The following CDH8 variants were observed in gnomAD, a reference collection of about 807,000 sequenced individuals.
The protein encoded by CDH8 is cadherin-8.
A neutral mutation model predicts 68.1 loss-of-function variants in CDH8; 17 were observed. The observed-to-expected ratio is 0.25, with a 90% CI of 0.17 to 0.37. The LOEUF is 0.37. CDH8 is among the 10% of genes least tolerant of loss of function. CDH8 has a pLI of 1.00. For missense variants in CDH8, 763 were observed against 999.3 expected (o/e 0.76, Z 3.19); for synonymous variants, 372 against 365.1 (o/e 1.02, Z -0.21).
chr16:61,714,547 G>C (rs944101175), intron 9 of CDH8, among the ~76,000 whole-genome samples: 3 of 151,590 alleles, frequency 2.0e-5, no homozygotes, highest in African/African-American at 4.8e-5. Flanking sequence ...ATCCTGAGAT[G>C]AATAAATTAT....
chr16:61,954,706 A>C (rs1244129643), intron 2 of CDH8, among the ~76,000 whole-genome samples: 1 of 151,540 alleles, frequency 6.6e-6, no homozygotes, highest in Non-Finnish European at 1.5e-5. Context: ...ATCTCAAAAA[A>C]AAAAAAAAAA....
chr16:61,789,633 C>A, intron 7 of CDH8, 151 bp from the exon 8 acceptor site: 5 of 675,218 alleles, frequency 7.4e-6, no homozygotes, highest in Non-Finnish European at 1.2e-5. Flanking sequence ...ACAAAAATGA[C>A]TGAATGAGGC....
chr16:61,862,466 A>T (rs1455928123), intron 3 of CDH8, among the ~76,000 whole-genome samples: 1 of 152,090 alleles, frequency 6.6e-6, no homozygotes, highest in Non-Finnish European at 1.5e-5. Flanking sequence ...TTACCCATGT[A>T]CTCATCCAGA....
intron 9 of CDH8, among the ~76,000 whole-genome samples, chr16:61,715,077 T>C (rs1360610024): frequency 2.0e-5 from 3 of 151,652 alleles, no homozygotes; most frequent in Non-Finnish European, 4.4e-5. Flanking sequence ...TGATAGGCAA[T>C]TCATTCAATT....
chr16:61,910,804 C>T (rs1364864071), intron 2 of CDH8, among the ~76,000 whole-genome samples: 16 of 152,088 alleles, frequency 1.1e-4, no homozygotes, highest in African/African-American at 4.8e-5. Flanking sequence ...TGCCTATCAA[C>T]GTATTCGGGG....
At chr16:61,989,692 A>T (rs537890605) in intron 2 of CDH8, among the ~76,000 whole-genome samples, 1 of 152,300 alleles carries the variant, frequency 6.6e-6, no homozygotes, top group South Asian at 2.1e-4. Flanking sequence ...AACTGTACTG[A>T]ATTGCATTAG....
At chr16:61,676,294 C>T (rs1195863867) in intron 10 of CDH8, among the ~76,000 whole-genome samples, 1 of 118,566 alleles carries the variant, frequency 8.4e-6, no homozygotes, top group Non-Finnish European at 1.9e-5. Context: ...ATACTAATAT[C>T]ATAAGGAAGC....
At chr16:61,704,686 C>G (rs1030260546) in intron 10 of CDH8, among the ~76,000 whole-genome samples, 2 of 152,150 alleles carry the variant, frequency 1.3e-5, no homozygotes, top group Non-Finnish European at 2.9e-5. Context: ...AAGTTAAAAG[C>G]CTTGTCCAAA....
In CDH8 at chr16:61,739,906, TATATATGTA is replaced by T. The variant is rs1218516937; in HGVS notation, c.1415-12700_1415-12692del. Among the ~76,000 whole-genome samples, 640 of 83,860 alleles carry T rather than the reference TATATATGTA, an allele frequency of 7.6e-3. 15 individuals are homozygous for T. The highest frequency in any genetic ancestry group is 0.038 in the Admixed American group (326 of 8,500). The allele number at this position is 83,860 out of a possible 152,430, so 55.0% of individuals were successfully genotyped here. A position where few individuals can be genotyped will look rare whatever the true frequency, so the allele number is the denominator to read the frequency against. The stretch of plus-strand genomic sequence containing the variant: ...TTCCATATATATATATATATATATA[TATATATGTA>T]TTTTTTTTTTTGAGACAAAGTCTTG... On this transcript the variant is annotated intron_variant, in intron 8 of 11. Transcript: ENST00000577390.
rs569565401 is a variant in CDH8, at chr16:61,697,654, C to T, written c.1654+16187G>A. ...TAGCTGGGATTGCAGGCCTGTGCCA[C>T]CATATCTGGCTAATTTTTGTATCTT... On this transcript the variant is annotated intron_variant, in intron 10 of 11. Coordinates refer to ENST00000577390, the MANE Select transcript of CDH8 (RefSeq NM_001796.5). 1.7e-3 allele frequency among the ~76,000 whole-genome samples: 254 copies of T among 152,234 alleles called. 2 individuals carry two copies. The highest frequency in any genetic ancestry group is 0.01 in the Middle Eastern group (3 of 294).
chr16:61,814,027 T>C (rs1284629208), intron 7 of CDH8, among the ~76,000 whole-genome samples: 3 of 152,208 alleles, frequency 2.0e-5, no homozygotes, highest in Admixed American at 6.5e-5. Context: ...TTAATTTGCA[T>C]TTAAGATGTG....
chr16:61,673,072 A>C (rs968893062), intron 10 of CDH8, among the ~76,000 whole-genome samples: 1 of 152,158 alleles, frequency 6.6e-6, no homozygotes, highest in Non-Finnish European at 1.5e-5. Flanking sequence ...TTCCTAGAAG[A>C]CAAGACTGTT....
At chr16:61,850,032 A>G (rs1962906396) in intron 4 of CDH8, among the ~76,000 whole-genome samples, 1 of 152,146 alleles carries the variant, frequency 6.6e-6, no homozygotes, top group African/African-American at 2.4e-5. Context: ...AATTATGTAC[A>G]AGTGGACTTA....
chr16:61,921,861 C>G (rs976493195), intron 2 of CDH8, among the ~76,000 whole-genome samples: 2 of 152,130 alleles, frequency 1.3e-5, no homozygotes, highest in African/African-American at 4.8e-5. Context: ...GAAACCCCAT[C>G]TCTACTAAAA....
At chr16:61,790,282 T>C (rs1961348351) in intron 7 of CDH8, among the ~76,000 whole-genome samples, 1 of 152,036 alleles carries the variant, frequency 6.6e-6, no homozygotes. Context: ...ATCAGGGTAG[T>C]ATCAAGACAA....
At chr16:61,657,049 ATTAT>A (rs1381830313) in intron 10 of CDH8, among the ~76,000 whole-genome samples, 1 of 115,860 alleles carries the variant, frequency 8.6e-6, no homozygotes, top group Non-Finnish European at 1.7e-5. Context: ...GGGCAAAATA[ATTAT>A]TTGTTTTTTT....
intron 8 of CDH8, among the ~76,000 whole-genome samples, chr16:61,730,353 G>A (rs1030927623): frequency 5.9e-5 from 9 of 151,406 alleles, no homozygotes; most frequent in Non-Finnish European, 1.3e-4. Context: ...GTGGGATTAG[G>A]GAGCTATTAC....
intron 8 of CDH8, among the ~76,000 whole-genome samples, chr16:61,765,023 T>C (rs1960553081): frequency 6.6e-6 from 1 of 152,068 alleles, no homozygotes; most frequent in Non-Finnish European, 1.5e-5. Context: ...TAATGAAATA[T>C]GTGTAAAGAG....
At chr16:61,711,041 A>G (rs1047450391) in intron 10 of CDH8, among the ~76,000 whole-genome samples, 1 of 151,896 alleles carries the variant, frequency 6.6e-6, no homozygotes, top group African/African-American at 2.4e-5. Context: ...TAAAAGGTTC[A>G]CTGTATTTTT....
Sources: gnomAD v4.1 joint callset for allele counts (sites outside exome capture counted in the v4.1 genomes callset) on GRCh38, gnomAD v4.1.1 for gene constraint, MANE v1.5 for transcripts, NCBI Gene and HGNC (gene_info 2026-07-23, HGNC 2026-07-21) for gene names.